The following PMEPA1 variants were observed in gnomAD, a reference collection of about 807,000 sequenced individuals.
PMEPA1 encodes the protein prostate transmembrane protein, androgen induced 1, also known as protein TMEPAI.
Under a neutral mutation model 23.0 loss-of-function variants are expected in PMEPA1, and 11 were observed. The ratio of observed to expected loss-of-function variants is 0.48; its 90% confidence interval spans 0.30 to 0.79. PMEPA1 has a LOEUF of 0.79. PMEPA1 is among the 30% of genes least tolerant of loss of function. The pLI, the probability that PMEPA1 is intolerant of heterozygous loss-of-function variation, is 0.06. For missense variants in PMEPA1, 377 were observed against 390.9 expected (o/e 0.96, Z 0.30); for synonymous variants, 204 against 166.4 (o/e 1.23, Z -1.74).
rs144644403 is a variant in PMEPA1, at chr20:57,664,437, G to A, written c.110-4740C>T. Among the ~76,000 whole-genome samples the A allele has an allele frequency of 9.1e-4, 138 of 152,350 alleles. 1 individual carries two copies. In the East Asian group the frequency reaches 0.015, roughly 17 times the overall value. On this transcript the variant is annotated intron_variant, in intron 1 of 3. Coordinates refer to ENST00000341744, the MANE Select transcript of PMEPA1 (RefSeq NM_020182.5). ...GTGAATCCACCAGCAAAGACCCCTTGGGGGAGAGAAAGGTGCCTCCCCGCA... is the reference window on the plus strand; with the variant it reads ...GTGAATCCACCAGCAAAGACCCCTTAGGGGAGAGAAAGGTGCCTCCCCGCA...
intron 1 of PMEPA1, among the ~76,000 whole-genome samples, chr20:57,663,466 CAT>C (rs2071450986): frequency 6.6e-6 from 1 of 152,126 alleles, no homozygotes; most frequent in Admixed American, 6.5e-5. Context: ...GTGCGGGGGA[CAT>C]GTGCTCAGCA....
chr20:57,660,271 T>C (rs2071394906), intron 1 of PMEPA1, among the ~76,000 whole-genome samples: 1 of 151,984 alleles, frequency 6.6e-6, no homozygotes, highest in Admixed American at 6.6e-5. Context: ...TGAACGTGTG[T>C]ACACAAACCT....
chr20:57,694,625 G>T (rs537786870), intron 1 of PMEPA1, among the ~76,000 whole-genome samples: 1 of 152,318 alleles, frequency 6.6e-6, no homozygotes, highest in East Asian at 1.9e-4. Context: ...GCACCCTTGG[G>T]CAATTGACTT....
intron 1 of PMEPA1, among the ~76,000 whole-genome samples, chr20:57,665,507 C>CAAA (rs77601752): frequency 0.085 from 7,282 of 85,860 alleles, 555 homozygotes; most frequent in African/African-American, 0.23. Context: ...CCTCATCTGT[C>CAAA]AAAAAAAAAA....
intron 1 of PMEPA1, among the ~76,000 whole-genome samples, chr20:57,698,858 T>C (rs1206181636): frequency 6.6e-6 from 1 of 152,196 alleles, no homozygotes; most frequent in African/African-American, 2.4e-5. Context: ...GTATTAACTT[T>C]TATTTTTTAT....
In PMEPA1 at chr20:57,656,777, G is replaced by A. The variant is rs1489228024; in HGVS notation, c.264+2766C>T. On this transcript the variant is annotated intron_variant, in intron 2 of 3. Coordinates refer to ENST00000341744, the MANE Select transcript of PMEPA1 (RefSeq NM_020182.5). This position sits in a 1 kb window ranked among gnomAD's most constrained non-coding sequence, Gnocchi z 4.7. ...TCTTGTCTCCATACAGGCAAGAGGG[G>A]ACCCCCAGGGTCACCCTGAAAAGGG... 6.6e-6 allele frequency among the ~76,000 whole-genome samples: 1 copy of A among 152,172 alleles called. No individual in the cohort carries two copies. The highest frequency in any genetic ancestry group is 1.5e-5 in the Non-Finnish European group (1 of 68,022).
rs967832862 is a variant in PMEPA1 at position 57,704,974 on chromosome 20, G to A, written c.109+4500C>T. ...GGGTCCACCTTCCTTCTTTTATGGA[G>A]AGGGTGCATACCTTCGCACCTCTTA... On this transcript the variant is annotated intron_variant, in intron 1 of 3. Coordinates refer to ENST00000341744, the MANE Select transcript of PMEPA1 (RefSeq NM_020182.5). This position sits in a 1 kb window ranked among gnomAD's most constrained non-coding sequence, Gnocchi z 4.6. 6.6e-6 allele frequency among the ~76,000 whole-genome samples: 1 copy of A among 152,216 alleles called. No individual in the cohort carries two copies. The highest frequency in any genetic ancestry group is 6.5e-5 in the Admixed American group (1 of 15,290).
intron 1 of PMEPA1, among the ~76,000 whole-genome samples, chr20:57,687,083 G>A (rs1320282733): frequency 6.6e-6 from 1 of 152,276 alleles, no homozygotes; most frequent in Non-Finnish European, 1.5e-5. Flanking sequence ...GCAGCAAGCA[G>A]CCCACAAGCT....
intron 1 of PMEPA1, among the ~76,000 whole-genome samples, chr20:57,666,853 C>T (rs2071499679): frequency 6.6e-6 from 1 of 152,256 alleles, no homozygotes; most frequent in South Asian, 2.1e-4. Context: ...AGACTTCACC[C>T]TGTCTCTGAG....
At chr20:57,688,234 T>C (rs1377720328) in intron 1 of PMEPA1, among the ~76,000 whole-genome samples, 2 of 152,192 alleles carry the variant, frequency 1.3e-5, no homozygotes, top group South Asian at 2.1e-4. Flanking sequence ...TTTAGCCTCA[T>C]GTGAGTAATT....
chr20:57,673,583 G>A (rs1431439345), intron 1 of PMEPA1, among the ~76,000 whole-genome samples: 2 of 152,170 alleles, frequency 1.3e-5, no homozygotes, highest in Non-Finnish European at 2.9e-5. Context: ...CTGGTCGCCT[G>A]AGAACTGCCA....
At chr20:57,672,379 C>G (rs2071580464) in intron 1 of PMEPA1, among the ~76,000 whole-genome samples, 1 of 152,274 alleles carries the variant, frequency 6.6e-6, no homozygotes, top group African/African-American at 2.4e-5. Flanking sequence ...GCGGGCGGCG[C>G]CCAGGGGAGG....
At chr20:57,666,839 C>A (rs73182886) in intron 1 of PMEPA1, among the ~76,000 whole-genome samples, 6 of 152,176 alleles carry the variant, frequency 3.9e-5, no homozygotes, top group Admixed American at 3.9e-4. Context: ...CCCCTCACCA[C>A]GAAAGACTTC....
chr20:57,706,847 G>T (rs1042292921), intron 1 of PMEPA1, among the ~76,000 whole-genome samples: 1 of 152,132 alleles, frequency 6.6e-6, no homozygotes, highest in African/African-American at 2.4e-5. Flanking sequence ...CTCCTCTCAG[G>T]TCTGAAATTT....
chr20:57,690,549 T>C, intron 1 of PMEPA1: 5 of 1,285,722 alleles, frequency 3.9e-6, no homozygotes, highest in Non-Finnish European at 5.1e-6. Flanking sequence ...TAATTAACTG[T>C]AGCAGGAGGC....
chr20:57,710,374 G>A, upstream of PMEPA1: 2 of 1,409,820 alleles, frequency 1.4e-6, no homozygotes, highest in South Asian at 1.3e-5. Context: ...CTTGGGGCTA[G>A]CCTATCTTCT....
At position 57,710,002 on chromosome 20, in the gene PMEPA1, G is replaced by A. The variant is rs1419699722; in HGVS notation, c.-420C>T. 3 of 992,546 alleles carry A rather than the reference G, an allele frequency of 3.0e-6. No individual in the cohort carries two copies. In the African/African-American group the frequency reaches 5.2e-5, roughly 17 times the overall value. 61.5% of individuals were successfully genotyped at this position (992,546 alleles called of 1,614,324 possible). A position where few individuals can be genotyped will look rare whatever the true frequency, so the allele number is the denominator to read the frequency against. On this transcript the variant is annotated 5_prime_UTR_variant, in exon 1 of 4. Transcript: ENST00000341744. ...GCTCCGAGACCGCGGTCGGAGGCAGGCAGACGGTCTGACGTCAGCGCTAGA... is the reference window on the plus strand; with the variant it reads ...GCTCCGAGACCGCGGTCGGAGGCAGACAGACGGTCTGACGTCAGCGCTAGA...
rs1237005481 is a variant in PMEPA1, at chr20:57,652,365, G to A, written c.552C>T (p.Arg184=). The A allele has an allele frequency of 8.1e-6, 13 of 1,613,388 alleles. 1 individual carries two copies. Among genetic ancestry groups the A allele is most frequent in the East Asian group, 4.5e-5 (2 of 44,854 alleles). ...QQLELNRESV[R]APPNRTIFDS... is the part of the protein sequence containing the mutation. ...CGAAGATGGTTCTGTTTGGGGGTGC[G>A]CGCACCGACTCCCGGTTCAGTTCCA... The change falls in exon 4 of 4, where the codon CGC becomes CGT. Residue 184 remains arginine (R), a synonymous_variant. Coordinates refer to ENST00000341744, the MANE Select transcript of PMEPA1 (RefSeq NM_020182.5). This position sits in a 1 kb window ranked among gnomAD's most constrained non-coding sequence, Gnocchi z 6.1.
chr20:57,678,949 G>A (rs796180348), intron 1 of PMEPA1, among the ~76,000 whole-genome samples: 12 of 152,306 alleles, frequency 7.9e-5, no homozygotes, highest in African/African-American at 2.6e-4. Flanking sequence ...TCAACATATT[G>A]TTCAGGAAGA....
Sources: gnomAD v4.1 joint callset for allele counts (sites outside exome capture counted in the v4.1 genomes callset) on GRCh38, gnomAD v4.1.1 for gene constraint, Gnocchi (gnomAD v3.1) non-coding constraint, MANE v1.5 for transcripts, NCBI Gene and HGNC (gene_info 2026-07-23, HGNC 2026-07-21) for gene names.